The following RGS6 variants were observed in gnomAD, a reference collection of about 807,000 sequenced individuals.
The protein encoded by RGS6 is regulator of G protein signaling 6, also known as regulator of G-protein signaling 6.
In RGS6, 30 loss-of-function variants were observed where a neutral mutation model predicts 78.5. That is an observed-to-expected ratio of 0.38 (90% CI 0.29 to 0.52). The LOEUF is 0.52. Ranked by LOEUF, RGS6 falls within the 20% of genes least tolerant of loss-of-function variation. The pLI is 0.85. For missense variants in RGS6, 495 were observed against 609.7 expected, an observed-to-expected ratio of 0.81 and a Z score of 1.98; for synonymous variants, 206 against 206.0, an observed-to-expected ratio of 1.00 and a Z score of 0.00.
intron 16 of RGS6, 74 bp from the exon 17 acceptor site, chr14:72,539,967 T>C: frequency 7.5e-7 from 1 of 1,332,614 alleles, no homozygotes; most frequent in Non-Finnish European, 1.0e-6. Context: ...CTGCTGCTGT[T>C]TGGGAACCAC....
intron 4 of RGS6, 131 bp downstream of exon 4, chr14:72,454,709 C>T (rs2302144): frequency 1.6e-6 from 1 of 643,658 alleles, no homozygotes; most frequent in East Asian, 2.7e-5. Flanking sequence ...CGTGGAATCA[C>T]TCTATTTACA....
At chr14:72,274,350 T>C (rs1237068415) in intron 2 of RGS6, among the ~76,000 whole-genome samples, 1 of 152,160 alleles carries the variant, frequency 6.6e-6, no homozygotes, top group Non-Finnish European at 1.5e-5. Context: ...TAGTGCTGCA[T>C]CCAGGGCTTG....
chr14:72,098,744 AT>A (rs1258575776), intron 2 of RGS6, among the ~76,000 whole-genome samples: 3 of 152,230 alleles, frequency 2.0e-5, no homozygotes, highest in African/African-American at 7.2e-5. Context: ...TTCACACAGA[AT>A]GAGCCTCCCT....
At chr14:71,955,793 G>T (rs780957794) in intron 1 of RGS6, among the ~76,000 whole-genome samples, 1 of 151,368 alleles carries the variant, frequency 6.6e-6, no homozygotes, top group Non-Finnish European at 1.5e-5. Flanking sequence ...CTTAGAATGC[G>T]TAACTCTCTG....
At chr14:71,968,131 T>G (rs779184766) in intron 2 of RGS6, among the ~76,000 whole-genome samples, 1 of 152,214 alleles carries the variant, frequency 6.6e-6, no homozygotes, top group African/African-American at 2.4e-5. Context: ...TTAACCTTTT[T>G]TATATTCCTG....
intron 1 of RGS6, among the ~76,000 whole-genome samples, chr14:71,958,549 C>T (rs2092961864): frequency 1.3e-5 from 2 of 152,184 alleles, no homozygotes. Flanking sequence ...CTTACGGCCA[C>T]ACAGCACTTA....
chr14:72,481,447 A>C (rs1188057204), intron 12 of RGS6, among the ~76,000 whole-genome samples: 1 of 152,106 alleles, frequency 6.6e-6, no homozygotes, highest in East Asian at 1.9e-4. Context: ...CCACACAGAG[A>C]TCTCTGCAGG....
the RGS6 span, among the ~76,000 whole-genome samples, chr14:71,909,058 T>G: frequency 6.6e-6 from 1 of 152,076 alleles, no homozygotes; most frequent in Non-Finnish European, 1.5e-5. Context: ...TGTTAATGAG[T>G]GGGCTTAGGT....
chr14:72,119,754 G>A (rs1347100055), intron 2 of RGS6, among the ~76,000 whole-genome samples: 2 of 152,188 alleles, frequency 1.3e-5, no homozygotes, highest in African/African-American at 4.8e-5. Flanking sequence ...ATATGCACAA[G>A]GAGCTCTGAT....
the RGS6 span, among the ~76,000 whole-genome samples, chr14:71,912,824 T>A: frequency 1.6e-4 from 24 of 151,526 alleles, no homozygotes; most frequent in African/African-American, 4.4e-4. Context: ...TTCACTTTTT[T>A]ATTTTTTTTT....
chr14:72,164,107 G>T lies in RGS6; in HGVS notation c.85-187988G>T, dbSNP rs114227394. Among the ~76,000 whole-genome samples, 416 of 152,248 alleles carry T rather than the reference G, an allele frequency of 2.7e-3. 1 individual carries two copies. The highest frequency in any genetic ancestry group is 9.7e-3 in the African/African-American group (404 of 41,554). On this transcript the variant is annotated intron_variant, in intron 2 of 17. Coordinates refer to ENST00000553525, the MANE Select transcript of RGS6 (RefSeq NM_001204424.2). ...ATGTGTTTTAGCCAGCAAGGGGATT[G>T]TTTAACCTGCCCTCTACCAGTCTGC...
In RGS6 at chr14:72,526,271, T is replaced by C. The variant is rs563596224; in HGVS notation, c.1278+7734T>C. On this transcript the variant is annotated intron_variant, in intron 15 of 17. Coordinates refer to ENST00000553525, the MANE Select transcript of RGS6 (RefSeq NM_001204424.2). ...GGTACCTGCCACCACGCCCAGCTAA[T>C]TTTTTGTTTTTTTTTAGTAGAGTCG... is the stretch of plus-strand genomic sequence containing the variant. Among the ~76,000 whole-genome samples the C allele has an allele frequency of 7.1e-4, 48 of 67,620 alleles. No homozygotes were observed. The East Asian group carries it at 0.071, about 101-fold the overall frequency. The allele number at this position is 67,620 out of a possible 152,430, so 44.4% of individuals were successfully genotyped here. A position where few individuals can be genotyped will look rare whatever the true frequency, so the allele number is the denominator to read the frequency against.
intron 3 of RGS6, among the ~76,000 whole-genome samples, chr14:72,359,277 A>G (rs113353788): frequency 2.7e-3 from 412 of 152,252 alleles, no homozygotes; most frequent in African/African-American, 9.2e-3. Flanking sequence ...TGTGAGAGGA[A>G]AAAAAGGAAT....
intron 3 of RGS6, among the ~76,000 whole-genome samples, chr14:72,423,096 C>T (rs891036539): frequency 2.0e-5 from 3 of 152,266 alleles, no homozygotes; most frequent in East Asian, 1.9e-4. Context: ...AGTTGAGTCA[C>T]GTGGGAGGTA....
chr14:72,362,217 G>A (rs917404460), intron 3 of RGS6, among the ~76,000 whole-genome samples: 1 of 152,186 alleles, frequency 6.6e-6, no homozygotes, highest in East Asian at 1.9e-4. Flanking sequence ...GACACAGGTA[G>A]ATCAATGATT....
the RGS6 span, among the ~76,000 whole-genome samples, chr14:71,871,984 G>A: frequency 8.9e-3 from 1,356 of 151,938 alleles, 26 homozygotes; most frequent in African/African-American, 0.031. Flanking sequence ...GGAGGGGGTG[G>A]TGGAGGGGAT....
rs746359 is a variant in RGS6 at position 72,562,512 on chromosome 14, G to A, written c.*45G>A. On this transcript the variant is annotated 3_prime_UTR_variant, in exon 18 of 18. Transcript: ENST00000553525. ...AGGGCCTGGGCCCGCGGACCCCACA[G>A]GCAGGCGGCGGCGCTCCACATCTGC... 6.2e-7 allele frequency: 1 copy of A among 1,606,390 alleles called. No individual in the cohort carries two copies. Among genetic ancestry groups the A allele is most frequent in the Non-Finnish European group, 8.5e-7 (1 of 1,179,480 alleles).
At chr14:72,239,513 A>G (rs1600210936) in intron 2 of RGS6, among the ~76,000 whole-genome samples, 1 of 152,128 alleles carries the variant, frequency 6.6e-6, no homozygotes, top group Non-Finnish European at 1.5e-5. Flanking sequence ...TCAGACCATC[A>G]CCTGACATTC....
chr14:72,111,695 C>A (rs1330433845), intron 2 of RGS6, among the ~76,000 whole-genome samples: 1 of 152,186 alleles, frequency 6.6e-6, no homozygotes, highest in East Asian at 1.9e-4. Flanking sequence ...AGGTTACCAT[C>A]TTCACAAGAA....
Sources: allele counts gnomAD v4.1 joint callset (sites outside exome capture counted in the v4.1 genomes callset), GRCh38; gene constraint gnomAD v4.1.1; transcripts MANE v1.5; gene names NCBI Gene and HGNC (gene_info 2026-07-23, HGNC 2026-07-21).